The following S100A8 variants were observed in gnomAD, a reference collection of about 807,000 sequenced individuals.
The protein encoded by S100A8 is S100 calcium binding protein A8, also known as protein S100-A8.
Under a neutral mutation model 4.2 loss-of-function variants are expected in S100A8, and 1 was observed. The observed-to-expected ratio is 0.24, with a 90% CI of 0.08 to 1.12. S100A8 has a LOEUF of 1.12. S100A8 is among the 50% of genes most tolerant of loss of function. The pLI, the probability that S100A8 is intolerant of heterozygous loss-of-function variation, is 0.53. For synonymous variants in S100A8, 41 were observed against 44.7 expected (o/e 0.92, Z 0.33); for missense variants, 96 against 111.8 (o/e 0.86, Z 0.64).
the S100A8 span, among the ~76,000 whole-genome samples, chr1:153,401,902 C>T: frequency 1.3e-5 from 2 of 151,360 alleles, no homozygotes; most frequent in Admixed American, 6.6e-5. Context: ...CAGTGTATAT[C>T]TATTTTCTTT....
chr1:153,399,762 C>T, the S100A8 span, among the ~76,000 whole-genome samples: 1 of 152,134 alleles, frequency 6.6e-6, no homozygotes, highest in Admixed American at 6.5e-5. Context: ...TTGGGGGGGA[C>T]TTCCTTAGGG....
chr1:153,419,287 C>T, the S100A8 span: 1 of 1,614,186 alleles, frequency 6.2e-7, no homozygotes, highest in Non-Finnish European at 8.5e-7. Context: ...GGAGCGGCGC[C>T]CTGTTCTGGG....
upstream of S100A8, among the ~76,000 whole-genome samples, chr1:153,393,558 A>T (rs1023467274): frequency 1.3e-5 from 2 of 152,226 alleles, no homozygotes; most frequent in African/African-American, 4.8e-5. Context: ...AAGGCAGGGT[A>T]TAAATTCATC....
the S100A8 span, among the ~76,000 whole-genome samples, chr1:153,414,243 G>C: frequency 6.6e-6 from 1 of 152,188 alleles, no homozygotes; most frequent in Non-Finnish European, 1.5e-5. Context: ...ATCCATGAAA[G>C]AAATAATTCA....
chr1:153,413,802 G>A, the S100A8 span, among the ~76,000 whole-genome samples: 4 of 152,060 alleles, frequency 2.6e-5, no homozygotes, highest in South Asian at 2.1e-4. Context: ...TCAGAAGGCC[G>A]AGGCAGGAGA....
the S100A8 span, among the ~76,000 whole-genome samples, chr1:153,411,824 A>G: frequency 2.0e-5 from 3 of 152,134 alleles, no homozygotes; most frequent in Non-Finnish European, 4.4e-5. Context: ...CAGAAATAAT[A>G]CCACACAACT....
At chr1:153,408,810 C>T in the S100A8 span, among the ~76,000 whole-genome samples, 38 of 152,252 alleles carry the variant, frequency 2.5e-4, no homozygotes, top group African/African-American at 8.2e-4. Flanking sequence ...AGAAGAGAGT[C>T]GGGGCCAATA....
chr1:153,412,744 T>A, the S100A8 span, among the ~76,000 whole-genome samples: 1 of 152,074 alleles, frequency 6.6e-6, no homozygotes, highest in Non-Finnish European at 1.5e-5. Context: ...CAAATGTCCA[T>A]CAATGATAGA....
At chr1:153,416,506 CTT>C in the S100A8 span, 2 of 467,488 alleles carry the variant, frequency 4.3e-6, no homozygotes, top group Non-Finnish European at 8.5e-6. Context: ...AAGGACTGCT[CTT>C]TGTCCAAACA....
At chr1:153,403,594 C>A in the S100A8 span, among the ~76,000 whole-genome samples, 5 of 152,128 alleles carry the variant, frequency 3.3e-5, no homozygotes, top group African/African-American at 7.2e-5. Context: ...CCACGTCCAC[C>A]CTGTGGGCCA....
chr1:153,408,110 G>C, the S100A8 span, among the ~76,000 whole-genome samples: 2 of 152,212 alleles, frequency 1.3e-5, no homozygotes, highest in Non-Finnish European at 2.9e-5. Flanking sequence ...GAACAAAGTT[G>C]GATGGAGAAT....
chr1:153,420,488 C>T, the S100A8 span: 1 of 152,316 alleles, frequency 6.6e-6, no homozygotes, highest in Admixed American at 6.5e-5. Flanking sequence ...AGGAATCAGG[C>T]AAACATCTCA....
chr1:153,416,738 C>T, the S100A8 span, among the ~76,000 whole-genome samples: 606 of 152,358 alleles, frequency 4.0e-3, 4 homozygotes, highest in African/African-American at 0.013. Context: ...CACGTCTGTA[C>T]AACCAGGTGG....
chr1:153,421,971 T>C, the S100A8 span: 2 of 152,388 alleles, frequency 1.3e-5, no homozygotes, highest in Non-Finnish European at 2.9e-5. Context: ...TCTCCATGCT[T>C]ATGTCAATGC....
At chr1:153,422,312 GC>G in the S100A8 span, 1 of 155,206 alleles carries the variant, frequency 6.4e-6, no homozygotes, top group Non-Finnish European at 1.4e-5. Flanking sequence ...ATAGGGTGGG[GC>G]AATGTGTCAT....
At chr1:153,419,541 C>T in the S100A8 span, 1 of 577,832 alleles carries the variant, frequency 1.7e-6, no homozygotes. Context: ...CTGCCTCTCA[C>T]ACAGGTCCTG....
At chr1:153,410,684 G>T in the S100A8 span, among the ~76,000 whole-genome samples, 4 of 151,958 alleles carry the variant, frequency 2.6e-5, no homozygotes, top group Admixed American at 1.3e-4. Flanking sequence ...CAAAAAAAAA[G>T]AGAATATTAG....
chr1:153,419,303 C>T, the S100A8 span: 1 of 1,613,890 alleles, frequency 6.2e-7, no homozygotes, highest in African/African-American at 1.3e-5. Flanking sequence ...CTGGGGGAAG[C>T]CAGTGATCCA....
At chr1:153,410,108 A>C in the S100A8 span, among the ~76,000 whole-genome samples, 1 of 152,232 alleles carries the variant, frequency 6.6e-6, no homozygotes, top group African/African-American at 2.4e-5. Context: ...AAGCTAGCAG[A>C]AGGCAAGAAA....
Sources: gnomAD v4.1 joint callset for allele counts (sites outside exome capture counted in the v4.1 genomes callset) on GRCh38, gnomAD v4.1.1 for gene constraint, MANE v1.5 for transcripts, NCBI Gene and HGNC (gene_info 2026-07-23, HGNC 2026-07-21) for gene names.